PPP2R2B: variants seen among roughly 807,000 people sequenced by gnomAD.
PPP2R2B encodes the protein serine/threonine-protein phosphatase 2A 55 kDa regulatory subunit B beta isoform.
A neutral mutation model predicts 46.0 loss-of-function variants in PPP2R2B; 5 were observed. The ratio of observed to expected loss-of-function variants is 0.11; its 90% CI spans 0.06 to 0.23. PPP2R2B has a LOEUF of 0.23. Ranked by LOEUF, PPP2R2B falls within the 10% of genes least tolerant of loss-of-function variation. PPP2R2B has a pLI of 1.00. For missense variants in PPP2R2B, 367 were observed against 575.0 expected (o/e 0.64, Z 3.70); for synonymous variants, 215 against 206.7 (o/e 1.04, Z -0.34).
intron 7 of PPP2R2B, among the ~76,000 whole-genome samples, chr5:146,616,172 G>C (rs1272832583): frequency 6.6e-6 from 1 of 152,086 alleles, no homozygotes; most frequent in Non-Finnish European, 1.5e-5. Context: ...TAGAAAAACT[G>C]GATATCCATA....
intron 1 of PPP2R2B, among the ~76,000 whole-genome samples, chr5:146,976,515 AG>A (rs1388938444): frequency 6.6e-6 from 1 of 152,110 alleles, no homozygotes; most frequent in Non-Finnish European, 1.5e-5. Flanking sequence ...TACAAAGGTA[AG>A]GGGGCAACTT....
intron 3 of PPP2R2B, among the ~76,000 whole-genome samples, chr5:146,700,022 C>G (rs73320030): frequency 6.6e-6 from 1 of 152,058 alleles, no homozygotes; most frequent in South Asian, 2.1e-4. Context: ...TATGGAACCC[C>G]GAGGGATTAC....
intron 2 of PPP2R2B, among the ~76,000 whole-genome samples, chr5:146,791,815 C>G (rs1756219540): frequency 6.6e-6 from 1 of 152,146 alleles, no homozygotes; most frequent in Admixed American, 6.6e-5. Context: ...TCCCAGCAAC[C>G]CATTCTTTTC....
chr5:146,896,935 C>T (rs1762663562), intron 1 of PPP2R2B, among the ~76,000 whole-genome samples: 2 of 152,012 alleles, frequency 1.3e-5, no homozygotes, highest in Non-Finnish European at 1.5e-5. Context: ...CTGGCTTAGC[C>T]TCTTAAGAAG....
At chr5:146,692,167 A>G (rs1213747893) in intron 4 of PPP2R2B, among the ~76,000 whole-genome samples, 1 of 152,238 alleles carries the variant, frequency 6.6e-6, no homozygotes, top group African/African-American at 2.4e-5. Context: ...ATAGCTGCTC[A>G]ATAAACATTA....
At chr5:146,971,285 AGAT>A (rs1334876308) in intron 1 of PPP2R2B, among the ~76,000 whole-genome samples, 1 of 152,204 alleles carries the variant, frequency 6.6e-6, no homozygotes, top group Non-Finnish European at 1.5e-5. Flanking sequence ...CCCTGGAGAC[AGAT>A]GATATTTTCC....
intron 2 of PPP2R2B, among the ~76,000 whole-genome samples, chr5:146,704,192 A>G (rs992508751): frequency 5.9e-5 from 9 of 152,258 alleles, no homozygotes; most frequent in Admixed American, 5.9e-4. Context: ...ATCATTATAC[A>G]TTCCAATTTC....
intron 7 of PPP2R2B, among the ~76,000 whole-genome samples, chr5:146,631,642 C>A (rs751748602): frequency 6.6e-6 from 1 of 152,130 alleles, no homozygotes; most frequent in African/African-American, 2.4e-5. Flanking sequence ...GAATCAGGTA[C>A]CTCAATGCCT....
intron 2 of PPP2R2B, among the ~76,000 whole-genome samples, chr5:146,787,448 T>G (rs1582102627): frequency 6.6e-6 from 1 of 152,194 alleles, no homozygotes; most frequent in Non-Finnish European, 1.5e-5. Flanking sequence ...ACAAAAGCCT[T>G]CTGTAGGGAG....
rs926836208 is a variant in PPP2R2B, at chr5:147,081,414, G to T, written c.-186C>A. The T allele has an allele frequency of 4.0e-6, 4 of 992,304 alleles. No individual in the cohort carries two copies. The South Asian group carries it at 4.3e-5, about 11-fold the overall frequency. 61.5% of individuals were successfully genotyped at this position (992,304 alleles called of 1,614,324 possible). On this transcript the variant is annotated 5_prime_UTR_variant, in exon 1 of 11. Transcript: ENST00000394413. ...GCAATTGGAGTTTGTCCCTTCTCAG[G>T]CCCTGGCAGCGTCCTGGAGTGGTTA...
At chr5:146,989,840 T>C (rs778353452) in intron 1 of PPP2R2B, among the ~76,000 whole-genome samples, 2 of 151,834 alleles carry the variant, frequency 1.3e-5, no homozygotes, top group South Asian at 2.1e-4. Flanking sequence ...ACCATATACA[T>C]AGAAAATCCT....
At chr5:147,035,376 C>T (rs75959337) in intron 1 of PPP2R2B, 5 of 263,408 alleles carry the variant, frequency 1.9e-5, no homozygotes, top group Admixed American at 5.1e-5. Flanking sequence ...TCACCTCCCC[C>T]GAGTTCCCTT....
At chr5:146,802,660 G>C (rs1010255405) in intron 2 of PPP2R2B, among the ~76,000 whole-genome samples, 1 of 152,220 alleles carries the variant, frequency 6.6e-6, no homozygotes, top group African/African-American at 2.4e-5. Context: ...AGCCAGATAA[G>C]ACATGGGATT....
At chr5:146,728,091 T>A (rs2151201910) in intron 2 of PPP2R2B, among the ~76,000 whole-genome samples, 1 of 150,292 alleles carries the variant, frequency 6.7e-6, no homozygotes, top group African/African-American at 2.4e-5. Flanking sequence ...TCACTCACTT[T>A]AAAAAACTTT....
chr5:147,004,073 G>A (rs1414218015), intron 1 of PPP2R2B, among the ~76,000 whole-genome samples: 1 of 152,132 alleles, frequency 6.6e-6, no homozygotes, highest in African/African-American at 2.4e-5. Context: ...CGAGATCGGA[G>A]AAAGGCCACA....
chr5:146,714,000 G>A (rs1426040605), intron 2 of PPP2R2B, among the ~76,000 whole-genome samples: 7 of 152,094 alleles, frequency 4.6e-5, no homozygotes, highest in Non-Finnish European at 8.8e-5. Context: ...GACCAGATGA[G>A]GTCTTGGGGA....
chr5:146,657,636 T>C (rs1776420377), intron 5 of PPP2R2B, among the ~76,000 whole-genome samples: 2 of 152,180 alleles, frequency 1.3e-5, no homozygotes, highest in Non-Finnish European at 2.9e-5. Context: ...CCTTAACTTA[T>C]CCTGAATCTT....
chr5:146,876,989 C>T (rs781161827), intron 2 of PPP2R2B, among the ~76,000 whole-genome samples: 3 of 152,140 alleles, frequency 2.0e-5, no homozygotes, highest in Non-Finnish European at 4.4e-5. Context: ...ATTAATACAC[C>T]TTGCAACATT....
At chr5:146,812,769 A>ATG (rs199567203) in intron 2 of PPP2R2B, among the ~76,000 whole-genome samples, 873 of 36,246 alleles carry the variant, frequency 0.024, 161 homozygotes, top group East Asian at 0.077. Flanking sequence ...GAGTTACTTA[A>ATG]TGTGTGTGTG....
Sources: allele counts gnomAD v4.1 joint callset (sites outside exome capture counted in the v4.1 genomes callset), GRCh38; gene constraint gnomAD v4.1.1; transcripts MANE v1.5; gene names NCBI Gene and HGNC (gene_info 2026-07-23, HGNC 2026-07-21).